IQSEC1: variants seen among roughly 807,000 people sequenced by gnomAD.
IQSEC1 encodes the protein IQ motif and SEC7 domain-containing protein 1.
A neutral mutation model predicts 91.0 loss-of-function variants in IQSEC1; 31 were observed. The ratio of observed to expected loss-of-function variants is 0.34; its 90% CI spans 0.26 to 0.46. The LOEUF (loss-of-function observed/expected upper bound fraction) is 0.46. Among genes scored for constraint, IQSEC1 ranks in the 20% least tolerant of loss-of-function variants. The probability of loss-of-function intolerance (pLI) is 1.00; values close to 1 mark genes in which losing one functional copy is unlikely to be tolerated. For synonymous variants in IQSEC1, 699 were observed against 662.6 expected (o/e 1.05, Z -0.84); for missense variants, 1,388 against 1,575.6 (o/e 0.88, Z 2.02).
chr3:13,173,355 C>T (rs1410557722), intron 1 of IQSEC1, among the ~76,000 whole-genome samples: 1 of 152,252 alleles, frequency 6.6e-6, no homozygotes, highest in Non-Finnish European at 1.5e-5. Flanking sequence ...AGAGACCCAG[C>T]TGGACAGAGA....
At chr3:13,097,597 G>A (rs994481912) in intron 2 of IQSEC1, among the ~76,000 whole-genome samples, 1 of 152,106 alleles carries the variant, frequency 6.6e-6, no homozygotes, top group African/African-American at 2.4e-5. Flanking sequence ...CCCAACTCCC[G>A]CACTCATGCT....
intron 2 of IQSEC1, among the ~76,000 whole-genome samples, chr3:13,163,126 T>C (rs1707208004): frequency 6.6e-6 from 1 of 152,086 alleles, no homozygotes; most frequent in South Asian, 2.1e-4. Flanking sequence ...TCCAAGCACA[T>C]AGCCGACTGC....
chr3:13,138,340 G>A (rs358383), intron 2 of IQSEC1, among the ~76,000 whole-genome samples: 6,002 of 152,006 alleles, frequency 0.039, 170 homozygotes, highest in Middle Eastern at 0.068. Flanking sequence ...CTGGCAAGCA[G>A]GCCCTAGGTG....
intron 2 of IQSEC1, among the ~76,000 whole-genome samples, chr3:13,149,175 C>T (rs750736705): frequency 1.4e-4 from 22 of 152,220 alleles, no homozygotes; most frequent in Admixed American, 3.3e-4. Flanking sequence ...GCAGGCCCCC[C>T]ACATCCCAAA....
At chr3:13,003,603 T>C (rs1702517865) in intron 1 of IQSEC1, among the ~76,000 whole-genome samples, 1 of 152,242 alleles carries the variant, frequency 6.6e-6, no homozygotes, top group Non-Finnish European at 1.5e-5. Context: ...ACACTTAAAA[T>C]GAGTGAATTT....
At chr3:12,998,432 T>C (rs1702301011) in intron 1 of IQSEC1, among the ~76,000 whole-genome samples, 1 of 152,042 alleles carries the variant, frequency 6.6e-6, no homozygotes, top group Non-Finnish European at 1.5e-5. Flanking sequence ...TAAGGAACAA[T>C]CCCCAAGATA....
At chr3:13,203,671 A>T (rs1576293755) in intron 1 of IQSEC1, among the ~76,000 whole-genome samples, 1 of 152,144 alleles carries the variant, frequency 6.6e-6, no homozygotes, top group Admixed American at 6.5e-5. Context: ...CACAGAGAGG[A>T]CGTGGTGGGT....
intron 1 of IQSEC1, among the ~76,000 whole-genome samples, chr3:13,178,422 T>A (rs985102627): frequency 1.3e-5 from 2 of 152,226 alleles, no homozygotes; most frequent in African/African-American, 4.8e-5. Context: ...CTTAGTGCCT[T>A]CAGGCTGCTG....
At chr3:13,156,064 CA>C (rs34638350) in intron 2 of IQSEC1, among the ~76,000 whole-genome samples, 60,721 of 129,554 alleles carry the variant, frequency 0.47, 13,624 homozygotes, top group Middle Eastern at 0.5. Context: ...ACTAAAAATA[CA>C]AAAAAAAAAA....
intron 1 of IQSEC1, among the ~76,000 whole-genome samples, chr3:13,069,013 C>T (rs1039000307): frequency 1.3e-5 from 2 of 152,370 alleles, no homozygotes; most frequent in Middle Eastern, 3.4e-3. Context: ...AAGGCCCAGG[C>T]CTGGTTATGC....
intron 1 of IQSEC1, among the ~76,000 whole-genome samples, chr3:13,021,446 G>A (rs1271704139): frequency 5.9e-5 from 9 of 152,190 alleles, no homozygotes; most frequent in Admixed American, 2.0e-4. Flanking sequence ...GCACCGCACC[G>A]GGCCCTGATC....
rs531600683 is a variant in IQSEC1 at position 13,100,828 on chromosome 3, G to C, written c.303-53306C>G. Reference sequence around the variant, plus strand: ...GCTTCTGCTGCCACAGCGTCGGGGGGACCGACAGGAAACCCATAAACAAGT... The same window carrying C: ...GCTTCTGCTGCCACAGCGTCGGGGGCACCGACAGGAAACCCATAAACAAGT... On this transcript the variant is annotated intron_variant, in intron 2 of 15. Coordinates refer to the IQSEC1 transcript ENST00000648114. Among the ~76,000 whole-genome samples, 136 of 149,026 alleles carry C rather than the reference G, an allele frequency of 9.1e-4. 14 individuals carry two copies. The highest frequency in any genetic ancestry group is 3.3e-3 in the African/African-American group (129 of 39,680).
chr3:13,062,153 C>T (rs961247049), intron 1 of IQSEC1, among the ~76,000 whole-genome samples: 19 of 152,296 alleles, frequency 1.2e-4, no homozygotes, highest in Admixed American at 1.0e-3. Flanking sequence ...GAGTTTCTGC[C>T]GTTTGCCACC....
At chr3:13,026,726 T>C (rs1703627368) in intron 1 of IQSEC1, among the ~76,000 whole-genome samples, 1 of 152,208 alleles carries the variant, frequency 6.6e-6, no homozygotes, top group Admixed American at 6.5e-5. Flanking sequence ...ACTGCAGCCA[T>C]TTCTTCCCTG....
chr3:12,999,184 T>C (rs1702329821), intron 1 of IQSEC1, among the ~76,000 whole-genome samples: 1 of 152,148 alleles, frequency 6.6e-6, no homozygotes, highest in African/African-American at 2.4e-5. Context: ...CTTCTGAGCC[T>C]CAAGGTCCCC....
Position 12,967,300 on chromosome 3 carries a change from C to T in IQSEC1, c.24-25435G>A, listed in dbSNP as rs944408486. 5.8e-6 allele frequency: 7 copies of T among 1,205,378 alleles called. No homozygotes were observed. Among genetic ancestry groups the T allele is most frequent in the Non-Finnish European group, 6.8e-6 (6 of 876,146 alleles). 74.7% of individuals were successfully genotyped at this position (1,205,378 alleles called of 1,614,324 possible). ...CGGGCGCCCGGTCCCGACGGTCACC[C>T]GCACTCCCGCACAGGCATCCCCACA... On this transcript the variant is annotated intron_variant, in intron 1 of 13. Coordinates refer to ENST00000613206, the MANE Select transcript of IQSEC1 (RefSeq NM_001134382.3). The surrounding 1 kb of genome is among the most constrained non-coding windows in gnomAD (Gnocchi z 5.9).
At chr3:13,017,138 TG>T (rs1703172618) in intron 1 of IQSEC1, among the ~76,000 whole-genome samples, 1 of 152,104 alleles carries the variant, frequency 6.6e-6, no homozygotes, top group Admixed American at 6.6e-5. Flanking sequence ...TGACGGCCAC[TG>T]GGAGAGGCCC....
intron 1 of IQSEC1, among the ~76,000 whole-genome samples, chr3:13,051,310 C>T (rs1704680984): frequency 6.6e-6 from 1 of 152,216 alleles, no homozygotes; most frequent in Non-Finnish European, 1.5e-5. Context: ...GCTTCCTTTT[C>T]CTTTTCAGAA....
At chr3:13,185,920 A>G (rs184938211) in intron 1 of IQSEC1, among the ~76,000 whole-genome samples, 188 of 152,346 alleles carry the variant, frequency 1.2e-3, no homozygotes, top group Middle Eastern at 3.4e-3. Context: ...GCTGCAGGGC[A>G]CCTGCCCAAG....
Sources: allele counts gnomAD v4.1 joint callset (sites outside exome capture counted in the v4.1 genomes callset), GRCh38; gene constraint gnomAD v4.1.1; non-coding constraint Gnocchi (gnomAD v3.1); transcripts MANE v1.5; gene names NCBI Gene and HGNC (gene_info 2026-07-23, HGNC 2026-07-21).